Variants in ST7L observed in about 807,000 individuals in gnomAD.
ST7L encodes suppression of tumorigenicity 7 like.
Under a neutral mutation model 72.5 loss-of-function variants are expected in ST7L, and 57 were observed. The observed-to-expected ratio is 0.79, with a 90% CI of 0.64 to 0.98. ST7L has a LOEUF of 0.98. Ranked by LOEUF, ST7L falls within the 50% of genes least tolerant of loss-of-function variation. The pLI is 0.00. For missense variants in ST7L, 576 were observed against 672.2 expected (o/e 0.86, Z 1.58); for synonymous variants, 221 against 240.9 (o/e 0.92, Z 0.77).
intron 5 of ST7L, among the ~76,000 whole-genome samples, chr1:112,593,916 A>C (rs1413632289): frequency 2.0e-5 from 3 of 152,186 alleles, no homozygotes; most frequent in Non-Finnish European, 4.4e-5. Context: ...GTCTGAAAAG[A>C]TCAATATGGA....
rs75690166 is a variant in ST7L at position 112,568,050 on chromosome 1, G to A, written c.1245+8936C>T. 1.4e-3 allele frequency among the ~76,000 whole-genome samples: 213 copies of A among 152,186 alleles called. No individual in the cohort carries two copies. In the Middle Eastern group the frequency reaches 0.02, roughly 15 times the overall value. On this transcript the variant is annotated intron_variant, in intron 11 of 14. Transcript: ENST00000358039. ...CTAACGTTTACAATTTCTACTCTTT[G>A]TGGGAGCTCCAAATACCCATGATGT...
chr1:112,604,775 TAAAAAAA>T lies in ST7L; in HGVS notation c.452-3934_452-3928del, dbSNP rs556388277. Among the ~76,000 whole-genome samples, 22 of 58,778 alleles carry T rather than the reference TAAAAAAA, an allele frequency of 3.7e-4. 1 individual carries two copies. The highest frequency in any genetic ancestry group is 2.7e-3 in the Admixed American group (10 of 3,726). The allele number at this position is 58,778 out of a possible 152,430, so 38.6% of individuals were successfully genotyped here. A position where few individuals can be genotyped will look rare whatever the true frequency, so the allele number is the denominator to read the frequency against. ...CAACATAGTGAGGCCTTGTCTCTCT[TAAAAAAA>T]AAAAAAAAAAAAAAAAAAAAAGACT... On this transcript the variant is annotated intron_variant, in intron 3 of 14. Coordinates refer to ENST00000358039, the MANE Select transcript of ST7L (RefSeq NM_017744.5).
In ST7L at chr1:112,594,014, A is replaced by G. The variant is rs116332172; in HGVS notation, c.623-2411T>C. 1.4e-3 allele frequency among the ~76,000 whole-genome samples: 219 copies of G among 152,266 alleles called. 1 individual carries two copies. The highest frequency in any genetic ancestry group is 5.0e-3 in the African/African-American group (206 of 41,562). ...TAGCTGGGGTTAGACACACCTCTAG[A>G]GAAGTACATAAAACTTTGCAAGGAC... On this transcript the variant is annotated intron_variant, in intron 5 of 14. Coordinates refer to ENST00000358039, the MANE Select transcript of ST7L (RefSeq NM_017744.5).
At chr1:112,596,304 T>C (rs954150404) in intron 5 of ST7L, among the ~76,000 whole-genome samples, 3 of 152,336 alleles carry the variant, frequency 2.0e-5, no homozygotes, top group Middle Eastern at 3.4e-3. Flanking sequence ...CTCATTTTAA[T>C]GCAGGAAACT....
chr1:112,571,865 T>C (rs1662205887), intron 11 of ST7L, among the ~76,000 whole-genome samples: 1 of 152,172 alleles, frequency 6.6e-6, no homozygotes, highest in African/African-American at 2.4e-5. Flanking sequence ...CACACAAATT[T>C]TTTGGTTTCC....
intron 12 of ST7L, among the ~76,000 whole-genome samples, chr1:112,552,601 T>C (rs1270275595): frequency 6.6e-6 from 1 of 152,066 alleles, no homozygotes; most frequent in Non-Finnish European, 1.5e-5. Context: ...ACGGGGTTTC[T>C]CCATGTTGGT....
chr1:112,534,418 T>C (rs922504707), intron 14 of ST7L, among the ~76,000 whole-genome samples: 1 of 152,220 alleles, frequency 6.6e-6, no homozygotes, highest in African/African-American at 2.4e-5. Flanking sequence ...AATGTTCCCA[T>C]GGTTTCGGTA....
At chr1:112,599,073 A>AAAAAAAAAAAATAT (rs1190968815) in intron 4 of ST7L, among the ~76,000 whole-genome samples, 2 of 56,992 alleles carry the variant, frequency 3.5e-5, no homozygotes, top group African/African-American at 6.9e-5. Flanking sequence ...AAAAAAAAAA[A>AAAAAAAAAAAATAT]ATATATATAT....
intron 1 of ST7L, among the ~76,000 whole-genome samples, chr1:112,617,717 T>TCTCACACACACACACA (rs3221199): frequency 7.9e-6 from 1 of 126,432 alleles, no homozygotes; most frequent in Admixed American, 7.4e-5. Flanking sequence ...TTTCTCTCTC[T>TCTCACACACACACACA]CACACACACA....
At chr1:112,606,766 G>A (rs997485199) in intron 3 of ST7L, among the ~76,000 whole-genome samples, 18 of 152,148 alleles carry the variant, frequency 1.2e-4, no homozygotes, top group African/African-American at 4.3e-4. Flanking sequence ...CTCTGGTGAG[G>A]GCTCTCCTCC....
At chr1:112,533,137 A>G (rs1654645927) in intron 14 of ST7L, among the ~76,000 whole-genome samples, 1 of 152,160 alleles carries the variant, frequency 6.6e-6, no homozygotes, top group Admixed American at 6.5e-5. Flanking sequence ...ATTACAAACC[A>G]GGGCTTACTG....
Position 112,616,914 on chromosome 1 carries a change from T to A in ST7L, c.206-19A>T. 1 of 1,572,074 alleles carries A rather than the reference T, an allele frequency of 6.4e-7. No individual in the cohort carries two copies. The highest frequency in any genetic ancestry group is 8.6e-7 in the Non-Finnish European group (1 of 1,157,688). On this transcript the variant is annotated intron_variant, in intron 1 of 14. Coordinates refer to ENST00000358039, the MANE Select transcript of ST7L (RefSeq NM_017744.5). ...ACAGTCACTGTCAAAAGAACAAGAA[T>A]CAAAGTTTTAAAAAATGCAAATTTA...
chr1:112,583,029 G>A (rs1294591226), intron 7 of ST7L, among the ~76,000 whole-genome samples: 1 of 152,106 alleles, frequency 6.6e-6, no homozygotes, highest in Non-Finnish European at 1.5e-5. Flanking sequence ...CCGTATTTGA[G>A]ATTATTCAAA....
chr1:112,520,147 T>A (rs148028321), downstream of ST7L: 486 of 799,476 alleles, frequency 6.1e-4, no homozygotes, highest in African/African-American at 7.1e-3. Flanking sequence ...GCTGGGATGA[T>A]AGGCATGAGT....
At chr1:112,533,180 TAGAG>T (rs1175264950) in intron 14 of ST7L, among the ~76,000 whole-genome samples, 18 of 145,404 alleles carry the variant, frequency 1.2e-4, no homozygotes, top group African/African-American at 4.3e-4. Context: ...TTTAAGCACT[TAGAG>T]AGGCTGAAGT....
intron 11 of ST7L, among the ~76,000 whole-genome samples, chr1:112,566,491 G>A (rs574503792): frequency 6.6e-6 from 1 of 151,900 alleles, no homozygotes; most frequent in South Asian, 2.1e-4. Context: ...TCGAGATGGG[G>A]TTTCACCATG....
At chr1:112,523,232 T>C (rs1413729068), downstream of ST7L, 1 of 152,268 alleles carries the variant, frequency 6.6e-6, no homozygotes. Flanking sequence ...TGCTACTCTG[T>C]GCTTTTCCTT....
At chr1:112,600,965 G>T in intron 3 of ST7L, 117 bp from the exon 4 acceptor site, 2 of 777,644 alleles carry the variant, frequency 2.6e-6, no homozygotes, top group Non-Finnish European at 4.1e-6. Context: ...ATGGTACAAA[G>T]ATGAATAAAG....
At chr1:112,531,494 A>T (rs1454747933) in intron 14 of ST7L, among the ~76,000 whole-genome samples, 1 of 152,220 alleles carries the variant, frequency 6.6e-6, no homozygotes, top group Non-Finnish European at 1.5e-5. Flanking sequence ...AACCGAATAA[A>T]TTCTTCTGAA....
Sources: gnomAD v4.1 joint callset for allele counts (sites outside exome capture counted in the v4.1 genomes callset) on GRCh38, gnomAD v4.1.1 for gene constraint, MANE v1.5 for transcripts, NCBI Gene and HGNC (gene_info 2026-07-23, HGNC 2026-07-21) for gene names.